MAML2: variants seen among roughly 807,000 people sequenced by gnomAD.
MAML2 encodes mastermind like transcriptional coactivator 2.
Under a neutral mutation model 96.1 loss-of-function variants are expected in MAML2, and 22 were observed. That is an observed-to-expected ratio of 0.23 (90% confidence interval 0.16 to 0.33). MAML2 has a LOEUF of 0.33. Ranked by LOEUF, MAML2 falls within the 10% of genes least tolerant of loss-of-function variation. The probability of loss-of-function intolerance (pLI) is 1.00; values close to 1 mark genes in which losing one functional copy is unlikely to be tolerated. For missense variants in MAML2, 1,367 were observed against 1,392.4 expected, an observed-to-expected ratio of 0.98 and a Z score of 0.29; for synonymous variants, 561 against 521.3, an observed-to-expected ratio of 1.08 and a Z score of -1.04.
Position 96,278,761 on chromosome 11 carries a change from CA to C in MAML2, c.513+62621del, listed in dbSNP as rs200105867. On this transcript the variant is annotated intron_variant, in intron 1 of 4. Coordinates refer to ENST00000524717, the MANE Select transcript of MAML2 (RefSeq NM_032427.4). ...AGTTTAATTCAGCAATACCACATCA[CA>C]AAGGTCTTTGTGTGCTTTGCTAATG... 9.3e-3 allele frequency among the ~76,000 whole-genome samples: 1,419 copies of C among 152,302 alleles called. 12 individuals carry two copies. The highest frequency in any genetic ancestry group is 0.013 in the Non-Finnish European group (881 of 68,022).
intron 2 of MAML2, among the ~76,000 whole-genome samples, chr11:96,059,769 T>C (rs1381135999): frequency 1.3e-5 from 2 of 152,174 alleles, no homozygotes; most frequent in African/African-American, 4.8e-5. Flanking sequence ...GATTTTTGGA[T>C]TAGGGATACT....
intron 2 of MAML2, among the ~76,000 whole-genome samples, chr11:96,003,195 T>C (rs1367402432): frequency 1.4e-5 from 2 of 145,348 alleles, no homozygotes; most frequent in African/African-American, 5.1e-5. Flanking sequence ...GGGATGATGA[T>C]AAGGATGATG....
At position 96,169,143 on chromosome 11, in the gene MAML2, C is replaced by G. The variant is rs184722993; in HGVS notation, c.514-75626G>C. Reference sequence around the variant, plus strand: ...CATGCAGGGAATTACATACCACTGACAGAAGGCCTGAACGAGTTAATAACC... The same window carrying G: ...CATGCAGGGAATTACATACCACTGAGAGAAGGCCTGAACGAGTTAATAACC... On this transcript the variant is annotated intron_variant, in intron 1 of 4. Transcript: ENST00000524717. Among the ~76,000 whole-genome samples, 26 of 152,326 alleles carry G rather than the reference C, an allele frequency of 1.7e-4. 1 individual carries two copies. The highest frequency in any genetic ancestry group is 6.8e-3 in the Middle Eastern group (2 of 294).
At chr11:96,120,123 AATT>A (rs2135843564) in intron 1 of MAML2, among the ~76,000 whole-genome samples, 1 of 152,122 alleles carries the variant, frequency 6.6e-6, no homozygotes, top group Non-Finnish European at 1.5e-5. Context: ...ACGCCCGGCT[AATT>A]TTTTGTATTT....
Position 96,092,929 on chromosome 11 carries a change from A to G in MAML2, c.1102T>C (p.Tyr368His). Residue 368 changes from tyrosine to histidine, a missense_variant, in exon 2 of 5, where the codon TAC (tyrosine) becomes CAC (histidine). Coordinates refer to ENST00000524717, the MANE Select transcript of MAML2 (RefSeq NM_032427.4). The surrounding 1 kb of genome is among the most constrained non-coding windows in gnomAD (Gnocchi z 4.1). ...GGGCCCTGAGTCAAGCCCGGTGAGT[A>G]TTCACTTTTGATCACTATTTTCTCC... ...PMEKIVIKSE[Y>H]SPGLTQGPSG... 1.2e-6 allele frequency: 2 copies of G among 1,610,264 alleles called. No homozygotes were observed. Among genetic ancestry groups the G allele is most frequent in the African/African-American group, 1.3e-5 (1 of 75,006 alleles).
intron 1 of MAML2, among the ~76,000 whole-genome samples, chr11:96,203,347 A>C (rs1304911312): frequency 6.6e-6 from 1 of 152,256 alleles, no homozygotes; most frequent in Non-Finnish European, 1.5e-5. Flanking sequence ...TGCACCATGA[A>C]TACACCAATT....
At chr11:96,205,882 G>A (rs1348570180) in intron 1 of MAML2, among the ~76,000 whole-genome samples, 2 of 152,152 alleles carry the variant, frequency 1.3e-5, no homozygotes, top group African/African-American at 4.8e-5. Context: ...TGAGCATTGA[G>A]GTTTGTTTCT....
At chr11:96,272,590 C>T (rs747176633) in intron 1 of MAML2, among the ~76,000 whole-genome samples, 6 of 152,176 alleles carry the variant, frequency 3.9e-5, no homozygotes, top group Non-Finnish European at 7.3e-5. Context: ...ATACTATATA[C>T]TTGGCTATGT....
At chr11:96,119,753 C>G (rs937541328) in intron 1 of MAML2, among the ~76,000 whole-genome samples, 1 of 152,182 alleles carries the variant, frequency 6.6e-6, no homozygotes, top group Non-Finnish European at 1.5e-5. Flanking sequence ...TCCCCACACA[C>G]CCTCTTTTCT....
chr11:96,139,016 T>A (rs1281979574), intron 1 of MAML2, among the ~76,000 whole-genome samples: 2 of 152,154 alleles, frequency 1.3e-5, no homozygotes, highest in Non-Finnish European at 2.9e-5. Flanking sequence ...ATGTAGTAAA[T>A]TCCAGAACTC....
At position 95,978,795 on chromosome 11, in the gene MAML2, A is replaced by G. The variant is rs900912232; in HGVS notation, c.*153T>C. 25 of 700,604 alleles carry G rather than the reference A, an allele frequency of 3.6e-5. No homozygotes were observed. The highest frequency in any genetic ancestry group is 5.0e-5 in the Non-Finnish European group (22 of 439,318). 43.4% of individuals were successfully genotyped at this position (700,604 alleles called of 1,614,324 possible). On this transcript the variant is annotated 3_prime_UTR_variant, in exon 5 of 5. Coordinates refer to ENST00000524717, the MANE Select transcript of MAML2 (RefSeq NM_032427.4). Reference sequence around the variant, plus strand: ...ATTTAAAACAAGAATTTGGACCAAAATGTTCATCACTGCAGTTACTTTCTG... The same window carrying G: ...ATTTAAAACAAGAATTTGGACCAAAGTGTTCATCACTGCAGTTACTTTCTG...
At position 95,978,844 on chromosome 11, in the gene MAML2, C is replaced by T; in HGVS notation, c.*104G>A. 9.5e-7 allele frequency: 1 copy of T among 1,049,950 alleles called. No individual in the cohort carries two copies. Among genetic ancestry groups the T allele is most frequent in the South Asian group, 1.7e-5 (1 of 57,148 alleles). 65.0% of individuals were successfully genotyped at this position (1,049,950 alleles called of 1,614,324 possible). ...TGCTTTCCATTTTTAAGCATGTTATCTTCATGTAGTCCACCTGAACATCAA... is the reference window on the plus strand; with the variant it reads ...TGCTTTCCATTTTTAAGCATGTTATTTTCATGTAGTCCACCTGAACATCAA... On this transcript the variant is annotated 3_prime_UTR_variant, in exon 5 of 5. Transcript: ENST00000524717.
At chr11:96,268,602 C>T (rs576602361) in intron 1 of MAML2, among the ~76,000 whole-genome samples, 1 of 152,210 alleles carries the variant, frequency 6.6e-6, no homozygotes, top group South Asian at 2.1e-4. Flanking sequence ...GCTGTGTCCC[C>T]ACCCAAATTG....
At chr11:96,241,638 G>A (rs1399077796) in intron 1 of MAML2, among the ~76,000 whole-genome samples, 1 of 152,184 alleles carries the variant, frequency 6.6e-6, no homozygotes, top group Non-Finnish European at 1.5e-5. Flanking sequence ...AACATAACAG[G>A]TATTGCCTGT....
intron 1 of MAML2, among the ~76,000 whole-genome samples, chr11:96,317,627 A>G (rs1444091863): frequency 6.6e-6 from 1 of 152,200 alleles, no homozygotes; most frequent in African/African-American, 2.4e-5. Context: ...ACTCCAGGAA[A>G]GAAAATGACA....
intron 1 of MAML2, among the ~76,000 whole-genome samples, chr11:96,338,990 TCTGAGTACCGTG>T (rs2136022549): frequency 6.6e-6 from 1 of 152,296 alleles, no homozygotes; most frequent in Non-Finnish European, 1.5e-5. Flanking sequence ...CATCACCATC[TCTGAGTACCGTG>T]CTGAGTAACA....
intron 1 of MAML2, among the ~76,000 whole-genome samples, chr11:96,108,155 T>A (rs190584860): frequency 6.6e-6 from 1 of 152,270 alleles, no homozygotes; most frequent in Non-Finnish European, 1.5e-5. Context: ...TGGTGCTATC[T>A]CAGGTAGACA....
chr11:96,299,153 A>T (rs548515845), intron 1 of MAML2, among the ~76,000 whole-genome samples: 246 of 148,656 alleles, frequency 1.7e-3, no homozygotes, highest in Non-Finnish European at 3.3e-3. Flanking sequence ...GAAGAGGGAA[A>T]TGTGGTTTAG....
intron 1 of MAML2, among the ~76,000 whole-genome samples, chr11:96,337,610 C>T (rs1863936685): frequency 6.6e-6 from 1 of 152,188 alleles, no homozygotes; most frequent in African/African-American, 2.4e-5. Context: ...CTGGGACCTT[C>T]AGGAACACTT....
Sources: gnomAD v4.1 joint callset for allele counts (sites outside exome capture counted in the v4.1 genomes callset) on GRCh38, gnomAD v4.1.1 for gene constraint, Gnocchi (gnomAD v3.1) non-coding constraint, MANE v1.5 for transcripts, NCBI Gene and HGNC (gene_info 2026-07-23, HGNC 2026-07-21) for gene names.